The following SDK1 variants were observed in gnomAD, a reference collection of about 807,000 sequenced individuals.
SDK1 encodes the protein protein sidekick-1.
A neutral mutation model predicts 245.5 loss-of-function variants in SDK1; 157 were observed. The ratio of observed to expected loss-of-function variants is 0.64; its 90% CI spans 0.56 to 0.73. The LOEUF is 0.73. Ranked by LOEUF, SDK1 falls within the 30% of genes least tolerant of loss-of-function variation. The pLI is 0.00. For synonymous variants in SDK1, 1,647 were observed against 1,278.5 expected (o/e 1.29, Z -6.15); for missense variants, 3,583 against 3,002.3 (o/e 1.19, Z -4.52).
At position 4,268,819 on chromosome 7, in the gene SDK1, T is replaced by C; in HGVS notation, c.*3435T>C. 2 of 1,162,016 alleles carry C rather than the reference T, an allele frequency of 1.7e-6. No homozygotes were observed. Among genetic ancestry groups the C allele is most frequent in the Non-Finnish European group, 2.4e-6 (2 of 836,120 alleles). 72.0% of individuals were successfully genotyped at this position (1,162,016 alleles called of 1,614,324 possible). ...AGCTGAGCCTGCCCGCTGGGACACGTCTCCTTCCCGCGTCACCTTCTGGTT... is the reference window on the plus strand; with the variant it reads ...AGCTGAGCCTGCCCGCTGGGACACGCCTCCTTCCCGCGTCACCTTCTGGTT... On this transcript the variant is annotated 3_prime_UTR_variant, in exon 45 of 45. Transcript: ENST00000404826.
chr7:3,505,224 G>A (rs186132417), intron 1 of SDK1, among the ~76,000 whole-genome samples: 1 of 151,236 alleles, frequency 6.6e-6, no homozygotes, highest in Non-Finnish European at 1.5e-5. Flanking sequence ...TTTTGATCTA[G>A]GGTTTACAAT....
intron 1 of SDK1, among the ~76,000 whole-genome samples, chr7:3,448,245 G>C (rs1780406908): frequency 1.3e-5 from 2 of 152,104 alleles, no homozygotes; most frequent in Non-Finnish European, 2.9e-5. Flanking sequence ...GCTTTAAGTT[G>C]CATTTGCTGA....
In SDK1 at chr7:4,167,800, A is replaced by G. The variant is rs1781586091; in HGVS notation, c.4800+5944A>G. ...AAGCGAACCTTTTGTTTCCAGTCAT[A>G]TAATACTCTGGAGGCCATCTGGCCA... On this transcript the variant is annotated intron_variant, in intron 32 of 44. Transcript: ENST00000404826. Among the ~76,000 whole-genome samples, 3 of 152,216 alleles carry G rather than the reference A, an allele frequency of 2.0e-5. No individual in the cohort carries two copies. The South Asian group carries it at 6.2e-4, about 32-fold the overall frequency.
chr7:3,772,891 T>C (rs1193694937), intron 4 of SDK1, among the ~76,000 whole-genome samples: 1 of 152,194 alleles, frequency 6.6e-6, no homozygotes, highest in Non-Finnish European at 1.5e-5. Flanking sequence ...AATTTTCTGA[T>C]AACAAATCTG....
chr7:3,600,551 G>GTTTTTTTT (rs368644982), intron 1 of SDK1, among the ~76,000 whole-genome samples: 6 of 109,048 alleles, frequency 5.5e-5, no homozygotes, highest in African/African-American at 7.1e-5. Flanking sequence ...ATTAGATGTA[G>GTTTTTTTT]TTTTTTTTTT....
At chr7:4,037,991 G>C (rs540127329) in intron 17 of SDK1, among the ~76,000 whole-genome samples, 2 of 152,226 alleles carry the variant, frequency 1.3e-5, no homozygotes, top group South Asian at 2.1e-4. Context: ...AGATACTGTA[G>C]TGCTGCCACC....
rs559793476 is a variant in SDK1 at position 3,460,218 on chromosome 7, T to C, written c.298+158334T>C. ...AGCCAAGTTATAGAATGGAGCCAAC[T>C]GCAGTACATGTGGGTCACAACCTGC... On this transcript the variant is annotated intron_variant, in intron 1 of 44. Coordinates refer to ENST00000404826, the MANE Select transcript of SDK1 (RefSeq NM_152744.4). Among the ~76,000 whole-genome samples the C allele has an allele frequency of 2.6e-5, 4 of 152,340 alleles. No homozygotes were observed. In the South Asian group the frequency reaches 8.3e-4, roughly 32 times the overall value.
At chr7:4,121,852 C>G (rs766712800) in intron 25 of SDK1, among the ~76,000 whole-genome samples, 1 of 152,056 alleles carries the variant, frequency 6.6e-6, no homozygotes, top group Non-Finnish European at 1.5e-5. Context: ...TTTTTAGTTT[C>G]TAATTGAATG....
At chr7:3,623,289 C>G (rs966784957) in intron 2 of SDK1, among the ~76,000 whole-genome samples, 2 of 147,762 alleles carry the variant, frequency 1.4e-5, no homozygotes, top group Non-Finnish European at 3.0e-5. Flanking sequence ...ACTCTGTTGC[C>G]CAGGCTGATG....
intron 4 of SDK1, among the ~76,000 whole-genome samples, chr7:3,778,574 A>G (rs1780631690): frequency 6.6e-6 from 1 of 152,246 alleles, no homozygotes; most frequent in Non-Finnish European, 1.5e-5. Flanking sequence ...TTTTACACTG[A>G]CAGCATAAGT....
intron 1 of SDK1, among the ~76,000 whole-genome samples, chr7:3,466,278 C>T (rs1488071106): frequency 1.3e-5 from 2 of 151,598 alleles, no homozygotes; most frequent in Non-Finnish European, 2.9e-5. Context: ...TCTGCAGGCT[C>T]TGCCAAAAGA....
At chr7:4,232,648 A>G (rs895566085) in intron 40 of SDK1, among the ~76,000 whole-genome samples, 2 of 151,618 alleles carry the variant, frequency 1.3e-5, no homozygotes, top group African/African-American at 4.8e-5. Context: ...AAAATTGTGC[A>G]TATATATGTT....
intron 1 of SDK1, among the ~76,000 whole-genome samples, chr7:3,442,897 T>G (rs918478940): frequency 5.3e-5 from 8 of 152,220 alleles, no homozygotes; most frequent in Non-Finnish European, 1.2e-4. Flanking sequence ...CGAACACTTT[T>G]GATCTTTTCG....
intron 5 of SDK1, among the ~76,000 whole-genome samples, chr7:3,862,149 G>A (rs1398141179): frequency 6.6e-6 from 1 of 152,234 alleles, no homozygotes; most frequent in Non-Finnish European, 1.5e-5. Flanking sequence ...GCAATGCTTA[G>A]GAAATTGCTT....
At chr7:3,865,970 C>T (rs62437955) in intron 5 of SDK1, among the ~76,000 whole-genome samples, 356 of 152,178 alleles carry the variant, frequency 2.3e-3, no homozygotes, top group Non-Finnish European at 4.0e-3. Context: ...AGAGCAGCAG[C>T]GGACCTGCTG....
At chr7:4,063,714 A>G (rs752105246) in intron 19 of SDK1, among the ~76,000 whole-genome samples, 1 of 152,162 alleles carries the variant, frequency 6.6e-6, no homozygotes, top group Non-Finnish European at 1.5e-5. Flanking sequence ...CCTATCTTTG[A>G]AATATATGAC....
chr7:3,954,607 C>G (rs1193762587), intron 7 of SDK1, among the ~76,000 whole-genome samples: 1 of 125,420 alleles, frequency 8.0e-6, no homozygotes, highest in East Asian at 2.3e-4. Context: ...CCGTTCCCAC[C>G]TCCCCTCTAC....
At chr7:4,080,147 C>T (rs1780960767) in intron 22 of SDK1, among the ~76,000 whole-genome samples, 1 of 151,924 alleles carries the variant, frequency 6.6e-6, no homozygotes, top group South Asian at 2.1e-4. Context: ...AGGGTGGGTG[C>T]TGGAGGGAGG....
At chr7:3,466,035 G>C (rs1273353026) in intron 1 of SDK1, among the ~76,000 whole-genome samples, 2 of 152,050 alleles carry the variant, frequency 1.3e-5, no homozygotes, top group Non-Finnish European at 2.9e-5. Context: ...GGAGGGGCTG[G>C]TTTTTCTCTT....
Sources: allele counts gnomAD v4.1 joint callset (sites outside exome capture counted in the v4.1 genomes callset), GRCh38; gene constraint gnomAD v4.1.1; transcripts MANE v1.5; gene names NCBI Gene and HGNC (gene_info 2026-07-23, HGNC 2026-07-21).